ARHGAP11B: variants seen among roughly 807,000 people sequenced by gnomAD.
ARHGAP11B encodes the protein inactive Rho GTPase-activating protein 11B.
A neutral mutation model predicts 27.6 loss-of-function variants in ARHGAP11B; 14 were observed. The observed-to-expected ratio is 0.51, with a 90% confidence interval of 0.34 to 0.79. ARHGAP11B has a LOEUF of 0.79. Among genes scored for constraint, ARHGAP11B ranks in the 30% least tolerant of loss-of-function variants. The pLI is 0.02. For synonymous variants in ARHGAP11B, 82 were observed against 114.1 expected (o/e 0.72, Z 1.80); for missense variants, 245 against 320.1 (o/e 0.77, Z 1.79).
At chr15:30,626,338 G>C (rs2140884704) in exon 1 of ARHGAP11B, 1 of 153,450 alleles carries the variant, frequency 6.5e-6, no homozygotes, top group South Asian at 2.0e-4. Flanking sequence ...CTGGTCCGGC[G>C]GCCAGGCTAG....
chr15:30,635,448 A>G, intron 5 of ARHGAP11B, 39 bp from the exon 6 acceptor site: 1 of 1,595,736 alleles, frequency 6.3e-7, no homozygotes, highest in Non-Finnish European at 8.5e-7. Context: ...GAGTGGAGGA[A>G]GGATAATAAT....
intron 6 of ARHGAP11B, among the ~76,000 whole-genome samples, chr15:30,638,280 A>C (rs570917199): frequency 1.3e-5 from 2 of 152,126 alleles, no homozygotes; most frequent in African/African-American, 2.4e-5. Context: ...CCTGTCTTTG[A>C]GCAACTTTAG....
Position 30,630,774 on chromosome 15 carries a change from G to GT in ARHGAP11B, c.200+2dup. The GT allele has an allele frequency of 6.2e-7, 1 of 1,607,604 alleles. No individual in the cohort carries two copies. The highest frequency in any genetic ancestry group is 8.5e-7 in the Non-Finnish European group (1 of 1,177,408). The stretch of plus-strand genomic sequence containing the variant: ...TACCAGAATATGGACACATTCCAAG[G>GT]TAAGCAGAGTTTGAAATGAAGAAGG... On this transcript the variant is annotated splice_donor_variant, in intron 2 of 10. Transcript: ENST00000428041. LOFTEE classifies it high-confidence loss of function.
At chr15:30,646,250 G>C in exon 9 of ARHGAP11B, 4 of 1,033,868 alleles carry the variant, frequency 3.9e-6, no homozygotes, top group Non-Finnish European at 4.8e-6. Context: ...TGTGCATGGT[G>C]GCTGGTCACC....
At chr15:30,641,294 C>G (rs935169608) in intron 7 of ARHGAP11B, among the ~76,000 whole-genome samples, 3 of 150,766 alleles carry the variant, frequency 2.0e-5, no homozygotes, top group African/African-American at 7.3e-5. Flanking sequence ...TATATAAAGA[C>G]AACATTAGTC....
At chr15:30,626,613 A>C (rs1194560416) in exon 1 of ARHGAP11B, 1 of 654,578 alleles carries the variant, frequency 1.5e-6, no homozygotes, top group Non-Finnish European at 2.5e-6. Flanking sequence ...TCAAAGGGCT[A>C]AGAGAAGCGG....
chr15:30,627,368 G>C (rs1311275842), intron 1 of ARHGAP11B, among the ~76,000 whole-genome samples: 2 of 152,016 alleles, frequency 1.3e-5, no homozygotes, highest in East Asian at 3.9e-4. Context: ...AGTACGTTGG[G>C]AGGGACAAAA....
At chr15:30,627,555 T>G (rs2060217906) in intron 1 of ARHGAP11B, among the ~76,000 whole-genome samples, 1 of 152,008 alleles carries the variant, frequency 6.6e-6, no homozygotes, top group African/African-American at 2.4e-5. Flanking sequence ...TATCATACTT[T>G]TGGGACAGCA....
intron 6 of ARHGAP11B, among the ~76,000 whole-genome samples, chr15:30,636,019 A>G (rs995553867): frequency 2.9e-4 from 44 of 150,712 alleles, no homozygotes; most frequent in Non-Finnish European, 4.6e-4. Flanking sequence ...GAAGTAACCT[A>G]TGTCTAATGT....
chr15:30,635,312 C>T, intron 5 of ARHGAP11B, 124 bp downstream of exon 5: 2 of 1,477,498 alleles, frequency 1.4e-6, no homozygotes, highest in Non-Finnish European at 1.8e-6. Flanking sequence ...TTCAAAGGAA[C>T]TATGAAGGCA....
chr15:30,635,105 A>C (rs779042352), exon 5 of ARHGAP11B: 1 of 1,613,586 alleles, frequency 6.2e-7, no homozygotes, highest in East Asian at 2.2e-5. Flanking sequence ...GATGGATAGC[A>C]GCAATCTTGC....
At chr15:30,636,584 C>A (rs528297990) in intron 6 of ARHGAP11B, among the ~76,000 whole-genome samples, 76 of 152,148 alleles carry the variant, frequency 5.0e-4, no homozygotes, top group Admixed American at 4.5e-3. Flanking sequence ...TAGGATAATA[C>A]TGATGACTTA....
chr15:30,641,877 C>A (rs2060317912), intron 7 of ARHGAP11B, among the ~76,000 whole-genome samples: 1 of 151,500 alleles, frequency 6.6e-6, no homozygotes, highest in Non-Finnish European at 1.5e-5. Flanking sequence ...CCACCACACC[C>A]AGCTAATTTT....
rs1487398535 is a variant in ARHGAP11B, at chr15:30,634,398, AACTT to A, written c.527_530del (p.Asn176IlefsTer21). On this transcript the variant is annotated frameshift_variant, in exon 4 of 11. Coordinates refer to ENST00000428041, the Ensembl canonical transcript of ARHGAP11B. LOFTEE classifies it high-confidence loss of function. ...AGTTCATGTATTAAGATACTTCTTT[AACTT>A]TCTCAGGAATGTTTCTCTTAGGTAA... is the stretch of plus-strand genomic sequence containing the variant. 2 of 1,612,100 alleles carry A rather than the reference AACTT, an allele frequency of 1.2e-6. No individual in the cohort carries two copies. The highest frequency in any genetic ancestry group is 2.7e-5 in the African/African-American group (2 of 74,762).
intron 7 of ARHGAP11B, among the ~76,000 whole-genome samples, chr15:30,639,245 T>C (rs1414248275): frequency 1.3e-5 from 2 of 152,080 alleles, no homozygotes; most frequent in East Asian, 3.9e-4. Flanking sequence ...AGTGAAGAAA[T>C]GAACTGGTTA....
chr15:30,628,265 T>C, intron 1 of ARHGAP11B, among the ~76,000 whole-genome samples: 1 of 151,750 alleles, frequency 6.6e-6, no homozygotes, highest in African/African-American at 2.4e-5. Flanking sequence ...TATTTTTTAG[T>C]AGAGACGGGG....
chr15:30,643,034 C>G (rs1300376483), intron 7 of ARHGAP11B, among the ~76,000 whole-genome samples: 1 of 151,926 alleles, frequency 6.6e-6, no homozygotes, highest in Non-Finnish European at 1.5e-5. Context: ...GTGCAGTACC[C>G]TGATTGCTCC....
At chr15:30,637,648 G>T (rs2060288845) in intron 6 of ARHGAP11B, among the ~76,000 whole-genome samples, 1 of 151,796 alleles carries the variant, frequency 6.6e-6, no homozygotes, top group South Asian at 2.1e-4. Flanking sequence ...GCAGGAGAAT[G>T]GTGTGAACCT....
rs542829232 is a variant in ARHGAP11B, at chr15:30,631,864, G to A, written c.200+1091G>A. Among the ~76,000 whole-genome samples the A allele has an allele frequency of 1.2e-3, 183 of 147,800 alleles. 2 individuals are homozygous for A. In the Middle Eastern group the frequency reaches 0.017, roughly 14 times the overall value. ...TGCAATGGCGTGATCTCGGCTCACCGCAACCTTCACCTCCTGGGTTCAAGT... is the reference window on the plus strand; with the variant it reads ...TGCAATGGCGTGATCTCGGCTCACCACAACCTTCACCTCCTGGGTTCAAGT... On this transcript the variant is annotated intron_variant, in intron 2 of 10. Coordinates refer to ENST00000428041, the Ensembl canonical transcript of ARHGAP11B.
Sources: allele counts gnomAD v4.1 joint callset (sites outside exome capture counted in the v4.1 genomes callset), GRCh38; gene constraint gnomAD v4.1.1; transcripts MANE v1.5; gene names NCBI Gene and HGNC (gene_info 2026-07-23, HGNC 2026-07-21).